Variants in SAMD5 observed in about 807,000 individuals in gnomAD.
SAMD5 encodes sterile alpha motif domain-containing protein 5.
SAMD5 carries 13 observed loss-of-function variants against 11.3 expected under a neutral mutation model. The ratio of observed to expected loss-of-function variants is 1.15; its 90% confidence interval spans 0.75 to 1.83. The LOEUF is 1.83. SAMD5 is among the 40% of genes most tolerant of loss of function. The pLI, the probability that SAMD5 is intolerant of heterozygous loss-of-function variation, is 0.00. For missense variants in SAMD5, 255 were observed against 239.1 expected, an observed-to-expected ratio of 1.07 and a Z score of -0.44; for synonymous variants, 129 against 111.3, an observed-to-expected ratio of 1.16 and a Z score of -1.00.
intron 1 of SAMD5, among the ~76,000 whole-genome samples, chr6:147,613,716 G>T (rs1291700688): frequency 2.6e-5 from 4 of 151,556 alleles, no homozygotes; most frequent in South Asian, 2.1e-4. Flanking sequence ...GAGAAGAAAG[G>T]GTAGAGGAGG....
intron 1 of SAMD5, among the ~76,000 whole-genome samples, chr6:147,523,461 A>C (rs936570027): frequency 6.6e-6 from 1 of 152,198 alleles, no homozygotes; most frequent in Non-Finnish European, 1.5e-5. Flanking sequence ...TGCAGAAATG[A>C]ATGCACCCAA....
At chr6:147,701,615 T>C (rs1791254032) in intron 1 of SAMD5, among the ~76,000 whole-genome samples, 1 of 149,340 alleles carries the variant, frequency 6.7e-6, no homozygotes, top group African/African-American at 2.5e-5. Flanking sequence ...GAGCCAAAAT[T>C]GTGCCCTCCA....
At chr6:147,783,820 G>A in the SAMD5 span, among the ~76,000 whole-genome samples, 1 of 152,114 alleles carries the variant, frequency 6.6e-6, no homozygotes. Flanking sequence ...GGAAAAATTA[G>A]GAATTAGGAT....
At chr6:147,786,946 T>C in the SAMD5 span, among the ~76,000 whole-genome samples, 1 of 152,202 alleles carries the variant, frequency 6.6e-6, no homozygotes, top group East Asian at 1.9e-4. Flanking sequence ...GATATTTGTC[T>C]TTCACCTTGG....
At chr6:147,624,023 C>A (rs1251166369) in intron 1 of SAMD5, among the ~76,000 whole-genome samples, 1 of 152,114 alleles carries the variant, frequency 6.6e-6, no homozygotes. Flanking sequence ...GCGTGTGCCA[C>A]CACGCCCAGC....
chr6:147,907,431 A>T, the SAMD5 span, among the ~76,000 whole-genome samples: 2 of 134,828 alleles, frequency 1.5e-5, no homozygotes, highest in East Asian at 4.1e-4. Flanking sequence ...TACAAAAGCA[A>T]TTGCAGTTTT....
chr6:147,733,453 A>G (rs1457585884), intron 1 of SAMD5, among the ~76,000 whole-genome samples: 3 of 151,326 alleles, frequency 2.0e-5, no homozygotes, highest in Non-Finnish European at 4.4e-5. Context: ...TTTGGAAATA[A>G]CGGCATTGAA....
the SAMD5 span, among the ~76,000 whole-genome samples, chr6:147,790,814 CTCTCTCTCTCTCTT>C: frequency 2.5e-5 from 3 of 118,204 alleles, no homozygotes; most frequent in South Asian, 2.7e-4. Flanking sequence ...CTCTCTCTCT[CTCTCTCTCTCTCTT>C]CTCTGTCTCC....
the SAMD5 span, among the ~76,000 whole-genome samples, chr6:147,838,543 T>TA: frequency 1.2e-5 from 1 of 83,260 alleles, no homozygotes. Context: ...CCCCCCCCCG[T>TA]AGTTATTGTT....
intron 1 of SAMD5, among the ~76,000 whole-genome samples, chr6:147,588,690 C>G (rs1381630445): frequency 6.6e-6 from 1 of 151,976 alleles, no homozygotes; most frequent in African/African-American, 2.4e-5. Flanking sequence ...CTCTGTGATG[C>G]AATTTTGAAA....
At chr6:147,833,337 A>G in the SAMD5 span, among the ~76,000 whole-genome samples, 75 of 152,358 alleles carry the variant, frequency 4.9e-4, 1 homozygote, top group Non-Finnish European at 8.7e-4. Flanking sequence ...AGTATTCAGA[A>G]TTATTCCAAA....
the SAMD5 span, among the ~76,000 whole-genome samples, chr6:147,868,304 C>T: frequency 3.9e-5 from 6 of 152,088 alleles, no homozygotes; most frequent in African/African-American, 7.2e-5. Flanking sequence ...TGTCAGGTTA[C>T]GAGACATTAA....
the SAMD5 span, among the ~76,000 whole-genome samples, chr6:147,800,260 C>T: frequency 0.012 from 1,759 of 151,854 alleles, 39 homozygotes; most frequent in African/African-American, 0.04. Flanking sequence ...GTGGATGTCC[C>T]TTCTGTTTGT....
intron 1 of SAMD5, among the ~76,000 whole-genome samples, chr6:147,589,556 C>A (rs2128447079): frequency 6.6e-6 from 1 of 152,238 alleles, no homozygotes; most frequent in East Asian, 1.9e-4. Context: ...CCTCTCCAAG[C>A]CTCGGCGTCC....
At chr6:147,697,878 T>C (rs1047547015) in intron 1 of SAMD5, among the ~76,000 whole-genome samples, 2 of 152,286 alleles carry the variant, frequency 1.3e-5, no homozygotes, top group Non-Finnish European at 2.9e-5. Flanking sequence ...GTTTCTATGT[T>C]TAGCTAAAAA....
intron 1 of SAMD5, among the ~76,000 whole-genome samples, chr6:147,545,699 C>T (rs1336274778): frequency 6.6e-6 from 1 of 151,902 alleles, no homozygotes; most frequent in Non-Finnish European, 1.5e-5. Flanking sequence ...TATATTTATA[C>T]TCAGGTGCAC....
intron 1 of SAMD5, among the ~76,000 whole-genome samples, chr6:147,710,037 C>T (rs1428534843): frequency 6.6e-6 from 1 of 152,212 alleles, no homozygotes; most frequent in East Asian, 1.9e-4. Context: ...AAATTCATTT[C>T]CTGCAACTAC....
rs576277339 is a variant in SAMD5 at position 147,681,426 on chromosome 6, C to A, written c.163-55891C>A. ...CTTCTGTGTCTCTATTTAATCTGCA[C>A]AGTTGTTCCCTGTTTTCTTGTTTAT... is the stretch of plus-strand genomic sequence containing the variant. On this transcript the variant is annotated intron_variant, in intron 1 of 1. Transcript: ENST00000566741. Among the ~76,000 whole-genome samples the A allele has an allele frequency of 3.8e-4, 58 of 152,186 alleles. 2 individuals are homozygous for A. Among genetic ancestry groups the A allele is most frequent in the African/African-American group, 1.3e-3 (53 of 41,528 alleles).
intron 1 of SAMD5, among the ~76,000 whole-genome samples, chr6:147,675,699 AT>A (rs1262356790): frequency 6.6e-6 from 1 of 152,190 alleles, no homozygotes; most frequent in African/African-American, 2.4e-5. Flanking sequence ...GTGGCCATTG[AT>A]TGGTCCAGTA....
Sources: allele counts gnomAD v4.1 joint callset (sites outside exome capture counted in the v4.1 genomes callset), GRCh38; gene constraint gnomAD v4.1.1; transcripts MANE v1.5; gene names NCBI Gene and HGNC (gene_info 2026-07-23, HGNC 2026-07-21).